The following PTPN14 variants were observed in gnomAD, a reference collection of about 807,000 sequenced individuals.
The protein encoded by PTPN14 is tyrosine-protein phosphatase non-receptor type 14.
A neutral mutation model predicts 126.8 loss-of-function variants in PTPN14; 53 were observed. The observed-to-expected ratio is 0.42, with a 90% CI of 0.34 to 0.53. The LOEUF is 0.53. Among genes scored for constraint, PTPN14 ranks in the 20% least tolerant of loss-of-function variants. The pLI, the probability that PTPN14 is intolerant of heterozygous loss-of-function variation, is 0.08. For missense variants in PTPN14, 1,257 were observed against 1,552.9 expected, an observed-to-expected ratio of 0.81 and a Z score of 3.20; for synonymous variants, 630 against 599.3, an observed-to-expected ratio of 1.05 and a Z score of -0.75.
At chr1:214,373,318 T>G (rs527255098) in intron 15 of PTPN14, among the ~76,000 whole-genome samples, 2 of 152,102 alleles carry the variant, frequency 1.3e-5, no homozygotes, top group Non-Finnish European at 2.9e-5. Context: ...CCTCCCAAAG[T>G]GCTGGGATTA....
chr1:214,515,849 T>C (rs1655088011), intron 1 of PTPN14, among the ~76,000 whole-genome samples: 1 of 152,080 alleles, frequency 6.6e-6, no homozygotes, highest in African/African-American at 2.4e-5. Context: ...ATAAAAGGGA[T>C]TTTCCTTTCT....
chr1:214,401,680 A>G lies in PTPN14; in HGVS notation c.669+5T>C, dbSNP rs1213851415. On this transcript the variant is annotated splice_donor_5th_base_variant and intron_variant, in intron 7 of 18. Coordinates refer to ENST00000366956, the MANE Select transcript of PTPN14 (RefSeq NM_005401.5). ...TTAAAGCCAGCACAGGGCACAGCAT[A>G]TTACCTTTACAGGGAAGATTTCCTG... 1.3e-6 allele frequency: 2 copies of G among 1,552,148 alleles called. No individual in the cohort carries two copies. Among genetic ancestry groups the G allele is most frequent in the South Asian group, 1.1e-5 (1 of 89,200 alleles).
chr1:214,551,219 C>T lies in PTPN14; in HGVS notation c.-191G>A, dbSNP rs1244596924. ...GCCCCCGTGGCGCCCCGGAGTCCCGCGCGGAAAGGCTGTCCTTCGCGGCGG... is the reference window on the plus strand; with the variant it reads ...GCCCCCGTGGCGCCCCGGAGTCCCGTGCGGAAAGGCTGTCCTTCGCGGCGG... On this transcript the variant is annotated 5_prime_UTR_variant, in exon 1 of 19. Transcript: ENST00000366956. 2 of 152,346 alleles carry T rather than the reference C, an allele frequency of 1.3e-5. No individual in the cohort carries two copies. The highest frequency in any genetic ancestry group is 2.9e-5 in the Non-Finnish European group (2 of 68,138). 9.4% of individuals were successfully genotyped at this position (152,346 alleles called of 1,614,324 possible).
At chr1:214,536,832 TGGG>T (rs1412743668) in intron 1 of PTPN14, among the ~76,000 whole-genome samples, 4 of 152,252 alleles carry the variant, frequency 2.6e-5, no homozygotes, top group Non-Finnish European at 5.9e-5. Context: ...AAAGTAATTG[TGGG>T]TTTTGCCATT....
chr1:214,429,103 G>A lies in PTPN14; in HGVS notation c.345-14377C>T, dbSNP rs367581948. Among the ~76,000 whole-genome samples the A allele has an allele frequency of 2.2e-4, 33 of 152,186 alleles. No homozygotes were observed. In the East Asian group the frequency reaches 3.1e-3, roughly 14 times the overall value. On this transcript the variant is annotated intron_variant, in intron 3 of 18. Coordinates refer to ENST00000366956, the MANE Select transcript of PTPN14 (RefSeq NM_005401.5). ...TCACTTTTTCATGTTAGCCCGTTCC[G>A]TATAATTTTCATGAATTCTTAAAGG...
In PTPN14 at chr1:214,383,938, C is replaced by T; in HGVS notation, c.1917G>A (p.Lys639=). 5.0e-6 allele frequency: 8 copies of T among 1,613,236 alleles called. No homozygotes were observed. The highest frequency in any genetic ancestry group is 6.8e-6 in the Non-Finnish European group (8 of 1,180,012). ...TGTTCATCACCTCCAGGCTGTGGCG[C>T]TTGTTCACAGTGCCGTGGTGCTTGG... ...TATKHHGTVN[K]RHSLEVMNSM... Residue 639 remains lysine (K), a synonymous_variant, in exon 13 of 19, where the codon AAG becomes AAA. Transcript: ENST00000366956. This position sits in a 1 kb window ranked among gnomAD's most constrained non-coding sequence, Gnocchi z 4.4.
At chr1:214,449,063 G>C (rs944884605) in intron 3 of PTPN14, among the ~76,000 whole-genome samples, 1 of 127,260 alleles carries the variant, frequency 7.9e-6, no homozygotes, top group Admixed American at 9.6e-5. Context: ...CTGGACTGCA[G>C]TGGCGCTATC....
At chr1:214,392,552 C>G (rs567500582) in intron 10 of PTPN14, among the ~76,000 whole-genome samples, 105 of 152,192 alleles carry the variant, frequency 6.9e-4, no homozygotes, top group African/African-American at 2.2e-3. Flanking sequence ...CCCCAGAAGT[C>G]AAAGGCAACA....
At chr1:214,368,497 G>A (rs1206919496) in intron 17 of PTPN14, among the ~76,000 whole-genome samples, 5 of 152,108 alleles carry the variant, frequency 3.3e-5, no homozygotes, top group African/African-American at 2.4e-5. Flanking sequence ...CACCATGCCC[G>A]GCCTATTTTT....
At chr1:214,416,605 C>A (rs539803863) in intron 3 of PTPN14, among the ~76,000 whole-genome samples, 1 of 152,134 alleles carries the variant, frequency 6.6e-6, no homozygotes, top group Admixed American at 6.5e-5. Flanking sequence ...TAGGATTTTG[C>A]TGGAATATAA....
Position 214,384,491 on chromosome 1 carries a change from C to T in PTPN14, c.1364G>A (p.Gly455Glu). ...GCTCTGGCTGTCTGTATGCAGGATC[C>T]CCCTCTTCATCTGGCGCATGACTGT... ...YETVMRQMKR[G>E]ILHTDSQSQS... The change falls in exon 13 of 19, where the codon GGG becomes GAG. Residue 455 changes from glycine to glutamate, a missense_variant. By Grantham distance (98) the Gly-to-Glu change is moderately conservative. This residue lies in a region of PTPN14 where 1,021 missense variants were observed against 1,183.3 expected (regional missense o/e 0.86). Coordinates refer to ENST00000366956, the MANE Select transcript of PTPN14 (RefSeq NM_005401.5). This position sits in a 1 kb window ranked among gnomAD's most constrained non-coding sequence, Gnocchi z 5.3. The T allele has an allele frequency of 6.2e-7, 1 of 1,614,088 alleles. No individual in the cohort carries two copies. The highest frequency in any genetic ancestry group is 2.2e-5 in the East Asian group (1 of 44,864).
Position 214,353,198 on chromosome 1 carries a change from C to T in PTPN14, c.*4724G>A, listed in dbSNP as rs1657739254. On this transcript the variant is annotated 3_prime_UTR_variant, in exon 19 of 19. Coordinates refer to ENST00000366956, the MANE Select transcript of PTPN14 (RefSeq NM_005401.5). ...GGCAATCAAGGACCCTCTGAGAATACCAGAATCCATGGATGTTCAAGTCTT... is the reference window on the plus strand; with the variant it reads ...GGCAATCAAGGACCCTCTGAGAATATCAGAATCCATGGATGTTCAAGTCTT... 6.6e-6 allele frequency: 1 copy of T among 152,000 alleles called. No homozygotes were observed. Among genetic ancestry groups the T allele is most frequent in the Non-Finnish European group, 1.5e-5 (1 of 68,010 alleles). 9.4% of individuals were successfully genotyped at this position (152,000 alleles called of 1,614,324 possible).
intron 3 of PTPN14, among the ~76,000 whole-genome samples, chr1:214,442,954 G>C (rs1190285836): frequency 6.6e-6 from 1 of 152,016 alleles, no homozygotes; most frequent in Non-Finnish European, 1.5e-5. Flanking sequence ...CTCCTGAGTA[G>C]CTGGGATTAC....
rs1045523004 is a variant in PTPN14 at position 214,393,760 on chromosome 1, G to C, written c.864C>G (p.Ala288=). 10 of 1,598,836 alleles carry C rather than the reference G, an allele frequency of 6.3e-6. No homozygotes were observed. The Middle Eastern group carries it at 5.0e-4, about 79-fold the overall frequency. The change falls in exon 10 of 19, where the codon GCC becomes GCG. Residue 288 remains alanine (A), a synonymous_variant. Coordinates refer to ENST00000366956, the MANE Select transcript of PTPN14 (RefSeq NM_005401.5). Reference sequence around the variant, plus strand: ...TGGCAAACAACCGAGAAATATACTTGGCATTTTCGATATCATCCTTGGAAA... The same window carrying C: ...TGGCAAACAACCGAGAAATATACTTCGCATTTTCGATATCATCCTTGGAAA... ...ALFHTDDIEN[A]KYISRLFATR... is the part of the protein sequence containing the mutation.
At chr1:214,500,095 C>A (rs1380457575) in intron 1 of PTPN14, among the ~76,000 whole-genome samples, 1 of 151,604 alleles carries the variant, frequency 6.6e-6, no homozygotes, top group African/African-American at 2.4e-5. Flanking sequence ...ATCATGATTC[C>A]AGTTTACGGC....
At chr1:214,466,816 G>A (rs577357874) in intron 1 of PTPN14, among the ~76,000 whole-genome samples, 1 of 152,134 alleles carries the variant, frequency 6.6e-6, no homozygotes, top group African/African-American at 2.4e-5. Context: ...GTACAAATAG[G>A]AATAGCTACT....
chr1:214,389,430 A>G (rs1658700399), intron 11 of PTPN14, among the ~76,000 whole-genome samples: 1 of 152,232 alleles, frequency 6.6e-6, no homozygotes, highest in Non-Finnish European at 1.5e-5. Context: ...CTAATAGAGA[A>G]ACAAACTTGA....
At position 214,353,354 on chromosome 1, in the gene PTPN14, T is replaced by C. The variant is rs978194662; in HGVS notation, c.*4568A>G. 2 of 152,150 alleles carry C rather than the reference T, an allele frequency of 1.3e-5. No individual in the cohort carries two copies. The highest frequency in any genetic ancestry group is 2.9e-5 in the Non-Finnish European group (2 of 68,022). 9.4% of individuals were successfully genotyped at this position (152,150 alleles called of 1,614,324 possible). ...CTTCATTTGTGTGAATTCAATGTAG[T>C]ATTCAGCATGTGGCAAATTCAACTT... On this transcript the variant is annotated 3_prime_UTR_variant, in exon 19 of 19. Transcript: ENST00000366956.
intron 17 of PTPN14, among the ~76,000 whole-genome samples, chr1:214,368,365 C>T (rs1348432764): frequency 6.6e-6 from 1 of 151,992 alleles, no homozygotes; most frequent in Non-Finnish European, 1.5e-5. Flanking sequence ...CCACACCTGG[C>T]TAATTTTGTA....
Sources: allele counts gnomAD v4.1 joint callset (sites outside exome capture counted in the v4.1 genomes callset), GRCh38; gene constraint gnomAD v4.1.1; regional missense constraint gnomAD v4.1.1; non-coding constraint Gnocchi (gnomAD v3.1); transcripts MANE v1.5; gene names NCBI Gene and HGNC (gene_info 2026-07-23, HGNC 2026-07-21).